BCL2L1: variants seen among roughly 807,000 people sequenced by gnomAD.
The protein encoded by BCL2L1 is BCL2 like 1.
BCL2L1 carries 1 observed loss-of-function variant against 18.7 expected under a neutral mutation model. That is an observed-to-expected ratio of 0.05 (90% CI 0.02 to 0.25). The LOEUF (loss-of-function observed/expected upper bound fraction) is 0.25. Ranked by LOEUF, BCL2L1 falls within the 10% of genes least tolerant of loss-of-function variation. BCL2L1 has a pLI of 1.00. For synonymous variants in BCL2L1, 103 were observed against 122.7 expected (o/e 0.84, Z 1.06); for missense variants, 207 against 304.9 (o/e 0.68, Z 2.39).
intron 2 of BCL2L1, among the ~76,000 whole-genome samples, chr20:31,690,994 TA>T (rs1000281201): frequency 7.1e-6 from 1 of 140,160 alleles, no homozygotes; most frequent in African/African-American, 2.6e-5. Flanking sequence ...ACTAAAAATA[TA>T]AAAAAAATTA....
At chr20:31,672,377 C>A (rs1370688791) in intron 2 of BCL2L1, among the ~76,000 whole-genome samples, 2 of 151,724 alleles carry the variant, frequency 1.3e-5, no homozygotes, top group African/African-American at 4.8e-5. Context: ...GGCAGGAGGA[C>A]TGCTTGAACC....
At chr20:31,684,680 AC>A (rs1300763537) in intron 2 of BCL2L1, among the ~76,000 whole-genome samples, 22 of 152,144 alleles carry the variant, frequency 1.4e-4, no homozygotes, top group African/African-American at 5.3e-4. Context: ...CTCCTCCCAA[AC>A]CCACTCCACC....
intron 2 of BCL2L1, among the ~76,000 whole-genome samples, chr20:31,694,670 G>A (rs2061138367): frequency 1.3e-5 from 2 of 152,142 alleles, no homozygotes. Context: ...ATTGTCCTAA[G>A]CCCTTCATAC....
intron 2 of BCL2L1, among the ~76,000 whole-genome samples, chr20:31,676,390 A>G (rs2060761600): frequency 1.3e-5 from 2 of 152,182 alleles, no homozygotes; most frequent in South Asian, 4.1e-4. Context: ...AGAGGCCACA[A>G]GTGGTAGAGT....
At chr20:31,721,220 G>C (rs533696479) in intron 2 of BCL2L1, among the ~76,000 whole-genome samples, 53 of 152,320 alleles carry the variant, frequency 3.5e-4, no homozygotes, top group African/African-American at 1.2e-3. Flanking sequence ...GAGACCCCTT[G>C]GGGGGAACAG....
At chr20:31,718,357 A>G (rs935271888) in intron 2 of BCL2L1, among the ~76,000 whole-genome samples, 6 of 152,292 alleles carry the variant, frequency 3.9e-5, no homozygotes, top group Non-Finnish European at 7.4e-5. Context: ...GGTTTTAACA[A>G]TGAAAAAATT....
chr20:31,707,778 CAAAAAAA>C (rs553742099), intron 2 of BCL2L1, among the ~76,000 whole-genome samples: 5 of 60,888 alleles, frequency 8.2e-5, no homozygotes, highest in Admixed American at 1.9e-4. Context: ...AACTCTGTCT[CAAAAAAA>C]AAAAAAAAAA....
intron 2 of BCL2L1, among the ~76,000 whole-genome samples, chr20:31,701,801 C>A (rs1028522830): frequency 1.3e-5 from 2 of 152,238 alleles, no homozygotes; most frequent in Non-Finnish European, 2.9e-5. Context: ...AGCTTCTCTT[C>A]TCTGGGCCTC....
chr20:31,687,144 C>T (rs1383602545), intron 2 of BCL2L1, among the ~76,000 whole-genome samples: 1 of 152,022 alleles, frequency 6.6e-6, no homozygotes, highest in East Asian at 1.9e-4. Context: ...ACAACAAGAC[C>T]TCCATCTCTA....
Position 31,722,317 on chromosome 20 carries a change from G to A in BCL2L1, c.-99C>T. On this transcript the variant is annotated 5_prime_UTR_variant, in exon 2 of 3. Coordinates refer to ENST00000307677, the MANE Select transcript of BCL2L1 (RefSeq NM_138578.3). ...TAGTGATTCTCTTCTAAGATCCAAA[G>A]CCAAGATAAGATTCTGAAGGGAGAG... is the stretch of plus-strand genomic sequence containing the variant. 2 of 895,868 alleles carry A rather than the reference G, an allele frequency of 2.2e-6. No individual in the cohort carries two copies. The highest frequency in any genetic ancestry group is 5.5e-5 in the East Asian group (2 of 36,196). 55.5% of individuals were successfully genotyped at this position (895,868 alleles called of 1,614,324 possible). A position where few individuals can be genotyped will look rare whatever the true frequency, so the allele number is the denominator to read the frequency against.
chr20:31,697,892 G>GTTTTTTTTTTGTTTGTTTGTTTGTTTT (rs1555871509), intron 2 of BCL2L1, among the ~76,000 whole-genome samples: 12 of 129,640 alleles, frequency 9.3e-5, no homozygotes, highest in African/African-American at 3.6e-4. Flanking sequence ...TGCTGTTGCT[G>GTTTTTTTTTTGTTTGTTTGTTTGTTTT]TTTTTTTTTT....
intron 2 of BCL2L1, among the ~76,000 whole-genome samples, chr20:31,704,328 C>T (rs1364746500): frequency 6.7e-6 from 1 of 150,004 alleles, no homozygotes; most frequent in Non-Finnish European, 1.5e-5. Flanking sequence ...TCTTGAACTC[C>T]CGACCTGATG....
chr20:31,685,097 T>G (rs990182230), intron 2 of BCL2L1, among the ~76,000 whole-genome samples: 1 of 152,206 alleles, frequency 6.6e-6, no homozygotes, highest in Non-Finnish European at 1.5e-5. Context: ...TTCTAGTATA[T>G]TTTTATTAAG....
At chr20:31,706,450 CATTA>C (rs1240215508) in intron 2 of BCL2L1, among the ~76,000 whole-genome samples, 1 of 152,158 alleles carries the variant, frequency 6.6e-6, no homozygotes, top group Admixed American at 6.5e-5. Context: ...TTACATGTAC[CATTA>C]ATTATTAGGA....
intron 2 of BCL2L1, among the ~76,000 whole-genome samples, chr20:31,705,553 C>T (rs1486864352): frequency 6.6e-6 from 1 of 152,174 alleles, no homozygotes; most frequent in Non-Finnish European, 1.5e-5. Flanking sequence ...GCCTAACACA[C>T]AGCAGAGACT....
chr20:31,695,809 C>T (rs12480630), intron 2 of BCL2L1, among the ~76,000 whole-genome samples: 7,967 of 152,304 alleles, frequency 0.052, 261 homozygotes, highest in Middle Eastern at 0.11. Flanking sequence ...TATATCCGCA[C>T]AGCTCATGCC....
At chr20:31,675,230 G>C (rs2060740665) in intron 2 of BCL2L1, among the ~76,000 whole-genome samples, 1 of 152,200 alleles carries the variant, frequency 6.6e-6, no homozygotes, top group African/African-American at 2.4e-5. Context: ...GTGGAGAAGA[G>C]GAAGAGGCTA....
intron 2 of BCL2L1, among the ~76,000 whole-genome samples, chr20:31,669,455 T>G (rs1321248727): frequency 7.3e-6 from 1 of 137,650 alleles, no homozygotes; most frequent in Non-Finnish European, 1.5e-5. Flanking sequence ...ATACTAGATG[T>G]GTCTTTTTTT....
chr20:31,721,387 T>C, intron 2 of BCL2L1: 1 of 468,824 alleles, frequency 2.1e-6, no homozygotes, highest in Non-Finnish European at 3.8e-6. Flanking sequence ...GGCTACAGTT[T>C]TCTTTGCTGA....
Sources: allele counts gnomAD v4.1 joint callset (sites outside exome capture counted in the v4.1 genomes callset), GRCh38; gene constraint gnomAD v4.1.1; transcripts MANE v1.5; gene names NCBI Gene and HGNC (gene_info 2026-07-23, HGNC 2026-07-21).